The following RAB20 variants were observed in gnomAD, a reference collection of about 807,000 sequenced individuals.
RAB20 encodes the protein ras-related protein Rab-20.
A neutral mutation model predicts 3.7 loss-of-function variants in RAB20; 2 were observed. That is an observed-to-expected ratio of 0.54 (90% confidence interval 0.22 to 1.69). The LOEUF (loss-of-function observed/expected upper bound fraction) is 1.69, where lower values mean the gene tolerates loss of function less well. Among genes scored for constraint, RAB20 ranks in the 40% most tolerant of loss-of-function variants. The probability of loss-of-function intolerance (pLI) is 0.19; values close to 1 mark genes in which losing one functional copy is unlikely to be tolerated. For missense variants in RAB20, 276 were observed against 311.9 expected, an observed-to-expected ratio of 0.88 and a Z score of 0.87; for synonymous variants, 126 against 130.8, an observed-to-expected ratio of 0.96 and a Z score of 0.25.
chr13:110,527,173 C>A (rs953681848), intron 1 of RAB20, among the ~76,000 whole-genome samples: 6 of 152,112 alleles, frequency 3.9e-5, no homozygotes, highest in Admixed American at 3.3e-4. Flanking sequence ...TCTGAAATGG[C>A]CACACATTCT....
chr13:110,523,615 T>A lies in RAB20; in HGVS notation c.*50A>T. ...TCCTTTCAGATCACAGCTTGCCTGG[T>A]CAGACCCCTTCCCAACATGCACAGT... On this transcript the variant is annotated 3_prime_UTR_variant, in exon 2 of 2. Transcript: ENST00000267328. 1 of 1,588,940 alleles carries A rather than the reference T, an allele frequency of 6.3e-7. No homozygotes were observed. Among genetic ancestry groups the A allele is most frequent in the Non-Finnish European group, 8.6e-7 (1 of 1,164,924 alleles).
intron 1 of RAB20, among the ~76,000 whole-genome samples, chr13:110,530,758 A>G (rs566134462): frequency 1.1e-4 from 15 of 137,226 alleles, no homozygotes; most frequent in South Asian, 2.5e-4. Flanking sequence ...CCACCTCTAC[A>G]CAGACACAGG....
intron 1 of RAB20, among the ~76,000 whole-genome samples, chr13:110,537,657 G>T (rs1028385454): frequency 1.3e-5 from 2 of 151,782 alleles, no homozygotes; most frequent in African/African-American, 4.8e-5. Context: ...GCGCTGACTT[G>T]GGATGTATGA....
chr13:110,550,783 A>G (rs1374718079), intron 1 of RAB20, among the ~76,000 whole-genome samples: 1 of 152,172 alleles, frequency 6.6e-6, no homozygotes, highest in African/African-American at 2.4e-5. Flanking sequence ...TAGAGGGAAG[A>G]GTAGGGGAAA....
At chr13:110,527,794 C>T (rs945013029) in intron 1 of RAB20, among the ~76,000 whole-genome samples, 10 of 152,084 alleles carry the variant, frequency 6.6e-5, no homozygotes, top group African/African-American at 1.9e-4. Context: ...AAACCCAATA[C>T]AGCAGGCATT....
intron 1 of RAB20, among the ~76,000 whole-genome samples, chr13:110,547,865 ATCAGCC>A (rs1446272035): frequency 6.6e-6 from 1 of 152,230 alleles, no homozygotes; most frequent in Non-Finnish European, 1.5e-5. Context: ...GCTAATGCTA[ATCAGCC>A]TACACAACAG....
intron 1 of RAB20, among the ~76,000 whole-genome samples, chr13:110,529,068 A>G (rs745759537): frequency 2.0e-5 from 3 of 152,262 alleles, no homozygotes; most frequent in African/African-American, 4.8e-5. Context: ...CCAGTCCCGC[A>G]GGGAACAGAA....
chr13:110,536,691 T>C (rs1423207542), intron 1 of RAB20, among the ~76,000 whole-genome samples: 1 of 114,942 alleles, frequency 8.7e-6, no homozygotes, highest in Non-Finnish European at 1.6e-5. Context: ...AGAAATCACA[T>C]GCACAGGAAT....
rs1317557971 is a variant in RAB20 at position 110,523,714 on chromosome 13, A to G, written c.656T>C (p.Ile219Thr). The G allele has an allele frequency of 6.2e-7, 1 of 1,614,206 alleles. No homozygotes were observed. The highest frequency in any genetic ancestry group is 1.1e-5 in the South Asian group (1 of 91,080). The change falls in exon 2 of 2, where the codon ATA becomes ACA. Residue 219 changes from isoleucine (I) to threonine (T), a missense_variant. Transcript: ENST00000267328. ...CCTCTTGGGTGGCTTATGACTGGAT[A>G]TATCCACTGTGTGTGACGGCCTCTC... ...RAERPSHTVD[I>T]SSHKPPKRTR...
chr13:110,547,118 G>T (rs771453506), intron 1 of RAB20, among the ~76,000 whole-genome samples: 1 of 152,142 alleles, frequency 6.6e-6, no homozygotes, highest in African/African-American at 2.4e-5. Context: ...CTGGAATGCC[G>T]CCAGTCAAGG....
chr13:110,553,111 A>G (rs746025440), intron 1 of RAB20, among the ~76,000 whole-genome samples: 2 of 152,260 alleles, frequency 1.3e-5, no homozygotes, highest in Non-Finnish European at 2.9e-5. Context: ...GAGGGACTCT[A>G]CAAATGAGGC....
In RAB20 at chr13:110,561,367, G is replaced by A. The variant is rs1180315053; in HGVS notation, c.153C>T (p.Ile51=). 7 of 1,607,716 alleles carry A rather than the reference G, an allele frequency of 4.4e-6. No homozygotes were observed. In the South Asian group the frequency reaches 5.5e-5, roughly 13 times the overall value. ...FYLKQWRSYN[I]SIWDTAGREQ... ...CCTCACCTGCGGTGTCCCAGATGGA[G>A]ATGTTGTAGGAGCGCCACTGCTTCA... The change falls in exon 1 of 2, where the codon ATC becomes ATT. Residue 51 remains isoleucine (I), a synonymous_variant. Transcript: ENST00000267328.
At chr13:110,556,323 AGACCT>A (rs1269284297) in intron 1 of RAB20, among the ~76,000 whole-genome samples, 7 of 152,202 alleles carry the variant, frequency 4.6e-5, no homozygotes, top group Non-Finnish European at 1.0e-4. Flanking sequence ...TGTGTAGGAC[AGACCT>A]GACCTGACTG....
chr13:110,532,916 T>C (rs1884569486), intron 1 of RAB20, among the ~76,000 whole-genome samples: 1 of 152,160 alleles, frequency 6.6e-6, no homozygotes, highest in African/African-American at 2.4e-5. Context: ...CCTGGGTTCA[T>C]GCTATATTCC....
intron 1 of RAB20, among the ~76,000 whole-genome samples, chr13:110,547,464 C>T (rs1884873630): frequency 6.6e-6 from 1 of 152,166 alleles, no homozygotes; most frequent in South Asian, 2.1e-4. Flanking sequence ...TTCACAGGCA[C>T]CCCATGCACG....
At chr13:110,549,933 G>A (rs987713598) in intron 1 of RAB20, among the ~76,000 whole-genome samples, 2 of 152,002 alleles carry the variant, frequency 1.3e-5, no homozygotes, top group South Asian at 2.1e-4. Context: ...CATGTTGGCC[G>A]GGCTGGTCTT....
chr13:110,555,291 C>A lies in RAB20; in HGVS notation c.172+6057G>T, dbSNP rs1381595462. Among the ~76,000 whole-genome samples the A allele has an allele frequency of 6.6e-6, 1 of 152,200 alleles. No homozygotes were observed. The highest frequency in any genetic ancestry group is 1.5e-5 in the Non-Finnish European group (1 of 68,040). On this transcript the variant is annotated intron_variant, in intron 1 of 1. Coordinates refer to ENST00000267328, the MANE Select transcript of RAB20 (RefSeq NM_017817.3). The surrounding 1 kb of genome is among the most constrained non-coding windows in gnomAD (Gnocchi z 4.0). ...GCGCCGGAATAGAACTCAAATGAGG[C>A]TTGAATTCCTCTTCCACGTGACAAC...
At chr13:110,542,975 G>C (rs1884790871) in intron 1 of RAB20, among the ~76,000 whole-genome samples, 1 of 152,158 alleles carries the variant, frequency 6.6e-6, no homozygotes, top group Non-Finnish European at 1.5e-5. Flanking sequence ...TCTTTCTGAT[G>C]ACAGCCATTC....
chr13:110,558,998 A>G (rs2139592819), intron 1 of RAB20, among the ~76,000 whole-genome samples: 1 of 152,158 alleles, frequency 6.6e-6, no homozygotes, highest in African/African-American at 2.4e-5. Flanking sequence ...GCCTGGCCCC[A>G]TCTTTAACAT....
Sources: allele counts gnomAD v4.1 joint callset (sites outside exome capture counted in the v4.1 genomes callset), GRCh38; gene constraint gnomAD v4.1.1; non-coding constraint Gnocchi (gnomAD v3.1); transcripts MANE v1.5; gene names NCBI Gene and HGNC (gene_info 2026-07-23, HGNC 2026-07-21).